OSBPL10: variants seen among roughly 807,000 people sequenced by gnomAD.
OSBPL10 encodes oxysterol binding protein like 10, also known as oxysterol-binding protein-related protein 10.
OSBPL10 carries 49 observed loss-of-function variants against 81.7 expected under a neutral mutation model. That is an observed-to-expected ratio of 0.60 (90% CI 0.48 to 0.76). The LOEUF (loss-of-function observed/expected upper bound fraction) is 0.76, where lower values mean the gene tolerates loss of function less well. Ranked by LOEUF, OSBPL10 falls within the 30% of genes least tolerant of loss-of-function variation. The pLI, the probability that OSBPL10 is intolerant of heterozygous loss-of-function variation, is 0.00. For synonymous variants in OSBPL10, 419 were observed against 383.6 expected, an observed-to-expected ratio of 1.09 and a Z score of -1.08; for missense variants, 923 against 987.8, an observed-to-expected ratio of 0.93 and a Z score of 0.88.
intron 4 of OSBPL10, among the ~76,000 whole-genome samples, chr3:31,810,342 T>A (rs558080103): frequency 6.6e-6 from 1 of 152,200 alleles, no homozygotes; most frequent in East Asian, 1.9e-4. Flanking sequence ...ATATGTAATA[T>A]GTCTCAATAA....
chr3:31,922,286 G>A (rs1696938410), intron 1 of OSBPL10, among the ~76,000 whole-genome samples: 1 of 152,208 alleles, frequency 6.6e-6, no homozygotes, highest in Non-Finnish European at 1.5e-5. Flanking sequence ...GTGGGAGTTG[G>A]GGGGAGTATG....
intron 1 of OSBPL10, among the ~76,000 whole-genome samples, chr3:31,976,306 C>G (rs982385896): frequency 6.6e-6 from 1 of 152,196 alleles, no homozygotes; most frequent in South Asian, 2.1e-4. Context: ...TCACATTGAA[C>G]TAATGAAAAG....
chr3:31,825,296 T>A (rs560158280), intron 4 of OSBPL10, among the ~76,000 whole-genome samples: 5 of 152,214 alleles, frequency 3.3e-5, no homozygotes, highest in African/African-American at 1.2e-4. Context: ...CAGGCCAGAA[T>A]CAATCCACAA....
chr3:31,668,869 A>C, intron 9 of OSBPL10, 45 bp from the exon 10 acceptor site: 1 of 1,461,838 alleles, frequency 6.8e-7, no homozygotes, highest in Non-Finnish European at 9.1e-7. Context: ...AAAATGATAA[A>C]AACAGAGACT....
chr3:31,770,125 C>CA (rs1698333510), intron 4 of OSBPL10, among the ~76,000 whole-genome samples: 1 of 152,152 alleles, frequency 6.6e-6, no homozygotes. Context: ...TCAGGGATGT[C>CA]AGGCAAGGGA....
intron 4 of OSBPL10, among the ~76,000 whole-genome samples, chr3:31,778,712 G>A (rs1187396462): frequency 2.0e-5 from 3 of 152,008 alleles, no homozygotes; most frequent in Admixed American, 2.0e-4. Flanking sequence ...AAGAACACCT[G>A]GGAAATTCAT....
chr3:31,981,141 A>T lies in OSBPL10; in HGVS notation c.39T>A (p.Gly13=). Residue 13 remains glycine, a synonymous_variant, in exon 1 of 12, where the codon GGT becomes GGA. Transcript: ENST00000396556. This position sits in a 1 kb window ranked among gnomAD's most constrained non-coding sequence, Gnocchi z 4.5. ...RAVQGTDGGG[G]SNSSSRSSSR... ...TGCTGCTGCGGCTGCTGCTGTTGCT[A>T]CCCCCGCCGCCGTCTGTGCCCTGGA... 1 of 1,478,308 alleles carries T rather than the reference A, an allele frequency of 6.8e-7. No individual in the cohort carries two copies. The highest frequency in any genetic ancestry group is 1.3e-5 in the South Asian group (1 of 78,846). 91.6% of individuals were successfully genotyped at this position (1,478,308 alleles called of 1,614,324 possible). A position where few individuals can be genotyped will look rare whatever the true frequency, so the allele number is the denominator to read the frequency against.
In OSBPL10 at chr3:31,712,676, C is replaced by A. The variant is rs544162276; in HGVS notation, c.1096-10168G>T. Among the ~76,000 whole-genome samples the A allele has an allele frequency of 2.0e-5, 3 of 152,314 alleles. No individual in the cohort carries two copies. In the South Asian group the frequency reaches 6.2e-4, roughly 32 times the overall value. ...ACACCTTGATTTCAGCCCACTGAAA[C>A]CTGTGTCTGACTTCTTATGCAGAAC... On this transcript the variant is annotated intron_variant, in intron 6 of 11. Transcript: ENST00000396556.
intron 2 of OSBPL10, chr3:31,991,548 G>A (rs116569332): frequency 0.012 from 2,012 of 166,642 alleles, 15 homozygotes; most frequent in Middle Eastern, 0.02. Context: ...TTTTAACATT[G>A]TTTATTGTTA....
chr3:31,794,859 T>C (rs1699144967), intron 4 of OSBPL10: 1 of 378,252 alleles, frequency 2.6e-6, no homozygotes, highest in East Asian at 8.7e-5. Flanking sequence ...AAAAACTGGA[T>C]GACACTGAAA....
At chr3:31,692,693 C>T (rs1420782489) in intron 7 of OSBPL10, among the ~76,000 whole-genome samples, 2 of 152,216 alleles carry the variant, frequency 1.3e-5, no homozygotes, top group African/African-American at 4.8e-5. Context: ...GGGTTTCACA[C>T]TCATTATCTT....
At chr3:31,682,454 G>A (rs551662360) in intron 8 of OSBPL10, among the ~76,000 whole-genome samples, 20 of 152,254 alleles carry the variant, frequency 1.3e-4, no homozygotes, top group East Asian at 1.2e-3. Flanking sequence ...CTCCATCCCC[G>A]TGCCAGGGAC....
At chr3:32,048,905 GT>G (rs1424522504) in intron 1 of OSBPL10, among the ~76,000 whole-genome samples, 1 of 152,182 alleles carries the variant, frequency 6.6e-6, no homozygotes, top group Admixed American at 6.5e-5. Context: ...GGCAATGAAA[GT>G]GACCTCTGGT....
intron 3 of OSBPL10, among the ~76,000 whole-genome samples, chr3:31,871,158 T>G: frequency 6.6e-6 from 1 of 152,126 alleles, no homozygotes; most frequent in East Asian, 1.9e-4. Flanking sequence ...GTTCTTTCGC[T>G]CTTTGCAATA....
Position 31,747,993 on chromosome 3 carries a change from A to T in OSBPL10, c.857T>A (p.Leu286His), listed in dbSNP as rs762288517. 6.2e-7 allele frequency: 1 copy of T among 1,614,156 alleles called. No homozygotes were observed. The highest frequency in any genetic ancestry group is 8.5e-7 in the Non-Finnish European group (1 of 1,180,032). ...LLLKATSAAT[L>H]SCLGECLNLL... ...GTTGAGGCACTCCCCAAGGCAGCTG[A>T]GGGTGGCAGCAGAGGTAGCTTTCAG... is the stretch of plus-strand genomic sequence containing the variant. Residue 286 changes from leucine (L) to histidine (H), a missense_variant, in exon 5 of 12, where the codon CTC becomes CAC. Leu to His is a moderately conservative substitution (Grantham distance 99). Transcript: ENST00000396556.
intron 2 of OSBPL10, among the ~76,000 whole-genome samples, chr3:32,015,887 C>T (rs1410912107): frequency 6.6e-6 from 1 of 152,160 alleles, no homozygotes; most frequent in African/African-American, 2.4e-5. Flanking sequence ...CAAATCAAAA[C>T]CACAATGAGA....
chr3:31,856,684 A>G (rs1426521969), intron 3 of OSBPL10, among the ~76,000 whole-genome samples: 1 of 152,248 alleles, frequency 6.6e-6, no homozygotes, highest in African/African-American at 2.4e-5. Context: ...TGATTTGGGA[A>G]AGAAAATAAA....
At chr3:31,952,924 TCCTA>T (rs1453368673) in intron 1 of OSBPL10, among the ~76,000 whole-genome samples, 1 of 147,406 alleles carries the variant, frequency 6.8e-6, no homozygotes, top group Non-Finnish European at 1.5e-5. Flanking sequence ...TGTAAAATCT[TCCTA>T]CTTTTTTTTT....
At chr3:32,002,362 A>G (rs2125533073) in intron 2 of OSBPL10, among the ~76,000 whole-genome samples, 1 of 152,274 alleles carries the variant, frequency 6.6e-6, no homozygotes, top group Admixed American at 6.5e-5. Context: ...CTCCCCAAAC[A>G]AGGAAAAGAA....
Sources: allele counts gnomAD v4.1 joint callset (sites outside exome capture counted in the v4.1 genomes callset), GRCh38; gene constraint gnomAD v4.1.1; non-coding constraint Gnocchi (gnomAD v3.1); transcripts MANE v1.5; gene names NCBI Gene and HGNC (gene_info 2026-07-23, HGNC 2026-07-21).